The following SYN3 variants were observed in gnomAD, a reference collection of about 807,000 sequenced individuals.
The protein encoded by SYN3 is synapsin-3.
In SYN3, 35 loss-of-function variants were observed where a neutral mutation model predicts 65.8. The observed-to-expected ratio is 0.53, with a 90% CI of 0.41 to 0.70. SYN3 has a LOEUF of 0.70. Among genes scored for constraint, SYN3 ranks in the 30% least tolerant of loss-of-function variants. The pLI is 0.00. For synonymous variants in SYN3, 270 were observed against 292.9 expected (o/e 0.92, Z 0.80); for missense variants, 680 against 749.0 (o/e 0.91, Z 1.08).
At chr22:32,546,388 T>C (rs2058336057) in intron 7 of SYN3, among the ~76,000 whole-genome samples, 2 of 152,238 alleles carry the variant, frequency 1.3e-5, no homozygotes, top group African/African-American at 2.4e-5. Context: ...GCAAAGAAAC[T>C]GTTTCAAGGA....
chr22:32,567,314 C>T lies in SYN3; in HGVS notation c.775-25601G>A, dbSNP rs1055209944. On this transcript the variant is annotated intron_variant, in intron 7 of 13. Coordinates refer to ENST00000358763, the MANE Select transcript of SYN3 (RefSeq NM_003490.4). The stretch of plus-strand genomic sequence containing the variant: ...TAGGGCAGGTGCAATAGAACGATGA[C>T]GGAGATCCTCCCTCCCTCCCTCCCT... 1.2e-4 allele frequency among the ~76,000 whole-genome samples: 18 copies of T among 151,060 alleles called. 1 individual carries two copies. The highest frequency in any genetic ancestry group is 8.4e-4 in the South Asian group (4 of 4,768).
At chr22:32,566,325 G>A (rs2058671862) in intron 7 of SYN3, among the ~76,000 whole-genome samples, 1 of 152,122 alleles carries the variant, frequency 6.6e-6, no homozygotes, top group African/African-American at 2.4e-5. Context: ...GGTGCACGTG[G>A]CTGATGGCTA....
intron 1 of SYN3, among the ~76,000 whole-genome samples, chr22:33,011,313 T>C (rs115729166): frequency 0.011 from 1,652 of 152,320 alleles, 33 homozygotes; most frequent in African/African-American, 0.037. Flanking sequence ...ATTTACTAAA[T>C]CTATTGAGAG....
chr22:32,572,641 G>A (rs1163515522), intron 7 of SYN3, among the ~76,000 whole-genome samples: 1 of 150,794 alleles, frequency 6.6e-6, no homozygotes, highest in African/African-American at 2.4e-5. Flanking sequence ...GGAGTACAAT[G>A]GTGCAATGAT....
chr22:32,955,925 T>C (rs539806086), intron 3 of SYN3, among the ~76,000 whole-genome samples: 4 of 151,930 alleles, frequency 2.6e-5, no homozygotes, highest in Admixed American at 2.0e-4. Context: ...CCCTCTAACA[T>C]TGGACTCCGA....
At chr22:32,625,052 C>T (rs773264539) in intron 6 of SYN3, among the ~76,000 whole-genome samples, 1 of 152,138 alleles carries the variant, frequency 6.6e-6, no homozygotes, top group African/African-American at 2.4e-5. Context: ...CTTTCTATGC[C>T]CAGGGTTGGT....
intron 2 of SYN3, among the ~76,000 whole-genome samples, chr22:33,001,116 G>A (rs993636276): frequency 6.6e-6 from 1 of 152,194 alleles, no homozygotes; most frequent in African/African-American, 2.4e-5. Flanking sequence ...TGCCAGATGA[G>A]TTAATGAGTC....
intron 4 of SYN3, among the ~76,000 whole-genome samples, chr22:32,906,009 T>C (rs1479679551): frequency 6.6e-6 from 1 of 152,026 alleles, no homozygotes; most frequent in Non-Finnish European, 1.5e-5. Flanking sequence ...GTACAAAAAT[T>C]CCAAGGTTTG....
chr22:32,776,114 G>A (rs1309841926), intron 6 of SYN3, among the ~76,000 whole-genome samples: 1 of 152,182 alleles, frequency 6.6e-6, no homozygotes. Flanking sequence ...GCAGATGGCA[G>A]CAGAGGTCAG....
intron 6 of SYN3, among the ~76,000 whole-genome samples, chr22:32,627,498 G>A (rs2059684883): frequency 6.6e-6 from 1 of 152,082 alleles, no homozygotes. Context: ...CAGGGATGCA[G>A]ACACACATCT....
chr22:33,041,294 CTTT>C (rs531793626), intron 1 of SYN3, among the ~76,000 whole-genome samples: 1 of 129,282 alleles, frequency 7.7e-6, no homozygotes. Context: ...GGAACTCTTT[CTTT>C]TTTTTTTTTT....
intron 2 of SYN3, among the ~76,000 whole-genome samples, chr22:32,988,694 C>A (rs2052607850): frequency 6.6e-6 from 1 of 152,138 alleles, no homozygotes; most frequent in South Asian, 2.1e-4. Flanking sequence ...GGTCACCTTC[C>A]TGAGGTCACC....
chr22:32,658,103 G>A (rs1462724953), intron 6 of SYN3, among the ~76,000 whole-genome samples: 1 of 152,222 alleles, frequency 6.6e-6, no homozygotes, highest in Non-Finnish European at 1.5e-5. Flanking sequence ...GAGAAAAAAG[G>A]AGGGTGGGCC....
intron 6 of SYN3, among the ~76,000 whole-genome samples, chr22:32,643,004 C>T (rs983820661): frequency 6.6e-6 from 1 of 152,150 alleles, no homozygotes; most frequent in South Asian, 2.1e-4. Context: ...AATGTGCACA[C>T]AATTTACACT....
At position 32,513,774 on chromosome 22, in the gene SYN3, C is replaced by T. The variant is rs148792587; in HGVS notation, c.1661G>A (p.Arg554His). Residue 554 changes from arginine to histidine, a missense_variant, in exon 14 of 14, where the codon CGT becomes CAT. Coordinates refer to ENST00000358763, the MANE Select transcript of SYN3 (RefSeq NM_003490.4). ...GGCCTCGTCTTCACTTGGGGTCCCA[C>T]GCTGGGAGGTGTCGGATGTGCTGAG... ...NSLSTSDTSQRGTPSEDEAKA... is the reference protein window; with the variant it reads ...NSLSTSDTSQHGTPSEDEAKA... 13 of 1,614,026 alleles carry T rather than the reference C, an allele frequency of 8.1e-6. No individual in the cohort carries two copies. The highest frequency in any genetic ancestry group is 6.7e-5 in the Admixed American group (4 of 59,998).
chr22:32,699,881 C>T (rs527795174), intron 6 of SYN3, among the ~76,000 whole-genome samples: 5 of 152,220 alleles, frequency 3.3e-5, no homozygotes, highest in South Asian at 4.1e-4. Context: ...TGACTCATAC[C>T]GCCCAGGACA....
At chr22:32,807,358 A>ATATAAATATATATTATG (rs1208153307) in intron 6 of SYN3, among the ~76,000 whole-genome samples, 5 of 11,028 alleles carry the variant, frequency 4.5e-4, no homozygotes, top group Admixed American at 1.8e-3. Flanking sequence ...AATATATAAT[A>ATATAAATATATATTATG]TATAATATAT....
intron 3 of SYN3, among the ~76,000 whole-genome samples, chr22:32,964,427 A>G (rs563655092): frequency 6.6e-6 from 1 of 151,892 alleles, no homozygotes; most frequent in South Asian, 2.1e-4. Context: ...AATAAAAAAA[A>G]AAAAAAAAAA....
At chr22:32,931,339 G>T (rs775812582) in intron 4 of SYN3, 51 bp downstream of exon 4, 4 of 1,263,452 alleles carry the variant, frequency 3.2e-6, no homozygotes, top group Non-Finnish European at 4.6e-6. Context: ...GCTACATGAG[G>T]TTCCACGTAT....
Sources: gnomAD v4.1 joint callset for allele counts (sites outside exome capture counted in the v4.1 genomes callset) on GRCh38, gnomAD v4.1.1 for gene constraint, MANE v1.5 for transcripts, NCBI Gene and HGNC (gene_info 2026-07-23, HGNC 2026-07-21) for gene names.